Variants in TOP2A observed in about 807,000 individuals in gnomAD.
TOP2A encodes the protein DNA topoisomerase 2-alpha.
TOP2A carries 68 observed loss-of-function variants against 187.2 expected under a neutral mutation model. The ratio of observed to expected loss-of-function variants is 0.36; its 90% CI spans 0.30 to 0.44. The LOEUF is 0.44. Among genes scored for constraint, TOP2A ranks in the 20% least tolerant of loss-of-function variants. The probability of loss-of-function intolerance (pLI) is 1.00; values close to 1 mark genes in which losing one functional copy is unlikely to be tolerated. For synonymous variants in TOP2A, 542 were observed against 593.2 expected (o/e 0.91, Z 1.25); for missense variants, 1,196 against 1,808.7 (o/e 0.66, Z 6.14).
rs954278454 is a variant in TOP2A at position 40,411,924 on chromosome 17, G to C, written c.790-106C>G. The C allele has an allele frequency of 2.2e-6, 2 of 926,308 alleles. No individual in the cohort carries two copies. Among genetic ancestry groups the C allele is most frequent in the Non-Finnish European group, 3.1e-6 (2 of 637,892 alleles). 57.4% of individuals were successfully genotyped at this position (926,308 alleles called of 1,614,324 possible). ...ACCAATGCAATGATGTTCACTGATA[G>C]GCATAAGGGAATGGTCATTAAAGGA... is the stretch of plus-strand genomic sequence containing the variant. On this transcript the variant is annotated intron_variant, in intron 7 of 34. Coordinates refer to ENST00000423485, the MANE Select transcript of TOP2A (RefSeq NM_001067.4). The surrounding 1 kb of genome is among the most constrained non-coding windows in gnomAD (Gnocchi z 4.4).
Position 40,392,069 on chromosome 17 carries a change from T to C in TOP2A, c.4131A>G (p.Ser1377=). The C allele has an allele frequency of 6.2e-7, 1 of 1,612,034 alleles. No individual in the cohort carries two copies. Among genetic ancestry groups the C allele is most frequent in the Non-Finnish European group, 8.5e-7 (1 of 1,179,234 alleles). ...CACTACTTTTACTTAAATACATACC[T>C]GACACGACACTTTTCTGTGGTTTCA... ...KELKPQKSVV[S]DLEADDVKGS... The change falls in exon 32 of 35, where the codon TCA becomes TCG. Residue 1377 remains serine, a splice_region_variant and synonymous_variant. Transcript: ENST00000423485.
chr17:40,415,216 G>A (rs1313096643), intron 4 of TOP2A, among the ~76,000 whole-genome samples: 2 of 151,818 alleles, frequency 1.3e-5, no homozygotes, highest in East Asian at 2.0e-4. Flanking sequence ...CACTACACCC[G>A]GCTAATTTTT....
rs1190176517 is a variant in TOP2A at position 40,416,271 on chromosome 17, C to T, written c.268+151G>A. On this transcript the variant is annotated intron_variant, in intron 3 of 34. Transcript: ENST00000423485. ...CTCCAGGAAACCAGCTCACCTTTAT[C>T]AACTGATTGAAATGACAGGAGCCCT... The T allele has an allele frequency of 1.1e-5, 8 of 709,122 alleles. No individual in the cohort carries two copies. In the Admixed American group the frequency reaches 2.3e-4, roughly 21 times the overall value. 43.9% of individuals were successfully genotyped at this position (709,122 alleles called of 1,614,324 possible).
At chr17:40,414,251 G>A (rs901683769) in intron 4 of TOP2A, among the ~76,000 whole-genome samples, 1 of 152,192 alleles carries the variant, frequency 6.6e-6, no homozygotes, top group African/African-American at 2.4e-5. Flanking sequence ...AGGCTGCAGT[G>A]TAATGGCAGG....
chr17:40,412,183 G>T (rs999011367), intron 7 of TOP2A, among the ~76,000 whole-genome samples: 4 of 152,140 alleles, frequency 2.6e-5, no homozygotes, highest in African/African-American at 9.7e-5. Flanking sequence ...GTGACACAGC[G>T]AGGTTATCAA....
At chr17:40,416,114 G>A (rs2586112) in intron 3 of TOP2A, 46 bp from the exon 4 acceptor site, 1,140,301 of 1,403,868 alleles carry the variant, frequency 0.81, 465,420 homozygotes, top group African/African-American at 0.97. Context: ...AGTGTTTTAA[G>A]AAACATTCTG....
Position 40,400,250 on chromosome 17 carries a change from T to G in TOP2A, c.2959A>C (p.Lys987Gln). 6.2e-7 allele frequency: 1 copy of G among 1,613,928 alleles called. No homozygotes were observed. Among genetic ancestry groups the G allele is most frequent in the Non-Finnish European group, 8.5e-7 (1 of 1,179,868 alleles). The part of the protein sequence containing the change: ...LAEAERVGLH[K>Q]VFKLQTSLTC... ...AGACTAGTTTGGAGTTTGAAGACTT[T>G]GTGTAGTCCAACTCTCTCTGCCTCT... The change falls in exon 23 of 35, where the codon AAA becomes CAA. Residue 987 changes from lysine to glutamine, a missense_variant. Physicochemically the swap from Lys to Gln is moderately conservative, Grantham distance 53. Coordinates refer to ENST00000423485, the MANE Select transcript of TOP2A (RefSeq NM_001067.4).
At chr17:40,405,494 G>C (rs1228692377) in intron 16 of TOP2A, among the ~76,000 whole-genome samples, 1 of 134,482 alleles carries the variant, frequency 7.4e-6, no homozygotes, top group Non-Finnish European at 1.5e-5. Flanking sequence ...TCGCTCTGTC[G>C]CCCAGGCTGG....
chr17:40,407,745 T>C, intron 12 of TOP2A, 71 bp from the exon 13 acceptor site: 1 of 1,421,802 alleles, frequency 7.0e-7, no homozygotes, highest in Non-Finnish European at 9.4e-7. Context: ...TAACAGTATA[T>C]GTTGCTTGGA....
intron 4 of TOP2A, among the ~76,000 whole-genome samples, chr17:40,414,548 A>G (rs1333999642): frequency 6.6e-6 from 1 of 152,102 alleles, no homozygotes; most frequent in African/African-American, 2.4e-5. Context: ...CCACTCAACA[A>G]AGTACATAAA....
In TOP2A at chr17:40,396,900, G is replaced by T. The variant is rs76482475; in HGVS notation, c.3538-435C>A. On this transcript the variant is annotated intron_variant, in intron 27 of 34. Coordinates refer to ENST00000423485, the MANE Select transcript of TOP2A (RefSeq NM_001067.4). Reference sequence around the variant, plus strand: ...TAAAGCTTTTGGTGGTTTTTTTTTTGTTTTTTTTTTTTTAAGAGACACGCA... The same window carrying T: ...TAAAGCTTTTGGTGGTTTTTTTTTTTTTTTTTTTTTTTTAAGAGACACGCA... Among the ~76,000 whole-genome samples, 666 of 135,060 alleles carry T rather than the reference G, an allele frequency of 4.9e-3. 4 individuals carry two copies. Among genetic ancestry groups the T allele is most frequent in the African/African-American group, 0.014 (528 of 36,752 alleles). 88.6% of individuals were successfully genotyped at this position (135,060 alleles called of 152,430 possible). A position where few individuals can be genotyped will look rare whatever the true frequency, so the allele number is the denominator to read the frequency against.
chr17:40,405,030 C>A, intron 16 of TOP2A, 147 bp from the exon 17 acceptor site: 1 of 581,976 alleles, frequency 1.7e-6, no homozygotes, highest in Non-Finnish European at 3.0e-6. Flanking sequence ...TGTTCTCTTG[C>A]CCAGCCTGGA....
chr17:40,410,366 T>C (rs2035307254), intron 10 of TOP2A, among the ~76,000 whole-genome samples: 1 of 152,178 alleles, frequency 6.6e-6, no homozygotes, highest in Admixed American at 6.5e-5. Context: ...TACGAAAAAC[T>C]GGCACTGAGA....
intron 27 of TOP2A, among the ~76,000 whole-genome samples, chr17:40,397,449 C>A (rs1294418723): frequency 6.6e-6 from 1 of 152,120 alleles, no homozygotes; most frequent in Non-Finnish European, 1.5e-5. Context: ...CCACACCCAA[C>A]TAATTTTTGT....
At chr17:40,402,840 G>T in intron 20 of TOP2A, 66 bp downstream of exon 20, 1 of 1,497,862 alleles carries the variant, frequency 6.7e-7, no homozygotes, top group South Asian at 1.3e-5. Context: ...TATTTTTGGT[G>T]AACTAAATCT....
At chr17:40,397,288 T>C (rs1313939191) in intron 27 of TOP2A, among the ~76,000 whole-genome samples, 3 of 130,532 alleles carry the variant, frequency 2.3e-5, no homozygotes, top group Admixed American at 7.5e-5. Flanking sequence ...CTTTCTCCTT[T>C]TTTTTTTTTT....
At chr17:40,403,091 T>C in intron 19 of TOP2A, 37 bp from the exon 20 acceptor site, 2 of 1,556,156 alleles carry the variant, frequency 1.3e-6, no homozygotes, top group Non-Finnish European at 1.7e-6. Context: ...CTGAGGCTTT[T>C]ACTAATACAA....
At position 40,389,589 on chromosome 17, in the gene TOP2A, C is replaced by T. The variant is rs560441128; in HGVS notation, c.4526G>A (p.Arg1509Gln). ...HMDFDSAVAP[R>Q]AKSVRAKKPI... ...TTTCTTTGCCCGTACAGATTTTGCC[C>T]GAGGAGCCACAGCTGAGTCAAAGTC... The change falls in exon 35 of 35, where the codon CGG becomes CAG. Residue 1509 changes from arginine (R) to glutamine (Q), a missense_variant. By Grantham distance (43) the Arg-to-Gln change is conservative (BLOSUM62 1). Around this residue, in one of 10 missense-constraint regions of TOP2A, gnomAD observed 374 missense variants for 403.3 expected, o/e 0.93. Coordinates refer to ENST00000423485, the MANE Select transcript of TOP2A (RefSeq NM_001067.4). 8 of 1,605,858 alleles carry T rather than the reference C, an allele frequency of 5.0e-6. No individual in the cohort carries two copies. The highest frequency in any genetic ancestry group is 3.4e-5 in the South Asian group (3 of 89,292).
chr17:40,409,779 C>CAA (rs886646711), intron 10 of TOP2A: 1,939 of 76,320 alleles, frequency 0.025, 25 homozygotes, highest in Middle Eastern at 0.054. Context: ...GACTCTGTCT[C>CAA]AAAAAAAAAA....
Sources: gnomAD v4.1 joint callset for allele counts (sites outside exome capture counted in the v4.1 genomes callset) on GRCh38, gnomAD v4.1.1 for gene constraint, gnomAD v4.1.1 regional missense constraint, Gnocchi (gnomAD v3.1) non-coding constraint, MANE v1.5 for transcripts, NCBI Gene and HGNC (gene_info 2026-07-23, HGNC 2026-07-21) for gene names.